The following PTPRM variants were observed in gnomAD, a reference collection of about 807,000 sequenced individuals.
PTPRM encodes the protein receptor-type tyrosine-protein phosphatase mu.
A neutral mutation model predicts 186.7 loss-of-function variants in PTPRM; 47 were observed. The ratio of observed to expected loss-of-function variants is 0.25; its 90% CI spans 0.20 to 0.32. PTPRM has a LOEUF of 0.32. Ranked by LOEUF, PTPRM falls within the 10% of genes least tolerant of loss-of-function variation. The probability of loss-of-function intolerance (pLI) is 1.00; values close to 1 mark genes in which losing one functional copy is unlikely to be tolerated. For synonymous variants in PTPRM, 668 were observed against 674.9 expected (o/e 0.99, Z 0.16); for missense variants, 1,494 against 1,865.0 (o/e 0.80, Z 3.66).
rs890410130 is a variant in PTPRM, at chr18:8,212,704, G to A, written c.2301-31354G>A. ...TGCCTGTAGTCCCAGCTACTCAGGA[G>A]CCTGAGGCAGAAGGATCACTTGAGC... On this transcript the variant is annotated intron_variant, in intron 14 of 32. Coordinates refer to ENST00000580170, the MANE Select transcript of PTPRM (RefSeq NM_001105244.2). 3.9e-5 allele frequency among the ~76,000 whole-genome samples: 6 copies of A among 152,146 alleles called. No individual in the cohort carries two copies. In the East Asian group the frequency reaches 1.2e-3, roughly 29 times the overall value.
intron 14 of PTPRM, among the ~76,000 whole-genome samples, chr18:8,181,486 C>T (rs1030467886): frequency 1.3e-5 from 2 of 152,134 alleles, no homozygotes; most frequent in East Asian, 1.9e-4. Context: ...TGGAAGTAGA[C>T]GAGCTATCCA....
At chr18:8,366,255 C>T (rs753796126) in intron 23 of PTPRM, among the ~76,000 whole-genome samples, 13 of 152,202 alleles carry the variant, frequency 8.5e-5, no homozygotes, top group Non-Finnish European at 1.5e-4. Context: ...TGCGTGAGAG[C>T]CAGCACTCCA....
At chr18:7,730,572 G>C (rs1449298074) in intron 1 of PTPRM, among the ~76,000 whole-genome samples, 1 of 152,166 alleles carries the variant, frequency 6.6e-6, no homozygotes, top group South Asian at 2.1e-4. Flanking sequence ...TAGCTGGTCT[G>C]TATCACTCTT....
intron 7 of PTPRM, among the ~76,000 whole-genome samples, chr18:7,974,528 G>A (rs2054802132): frequency 6.6e-6 from 1 of 152,142 alleles, no homozygotes; most frequent in African/African-American, 2.4e-5. Context: ...GCCCCTATAG[G>A]CTAACAATGA....
At position 7,961,302 on chromosome 18, in the gene PTPRM, G is replaced by A. The variant is rs2053667214; in HGVS notation, c.1132+5888G>A. ...TCCACTCCCCTTCCCCATAACCCTG[G>A]CAACCACCAGTCTCCTTTTTGTCTC... On this transcript the variant is annotated intron_variant, in intron 7 of 32. Transcript: ENST00000580170. Among the ~76,000 whole-genome samples the A allele has an allele frequency of 2.0e-5, 3 of 152,092 alleles. No individual in the cohort carries two copies. The South Asian group carries it at 6.2e-4, about 32-fold the overall frequency.
At chr18:8,361,297 T>C (rs2095595828) in intron 23 of PTPRM, among the ~76,000 whole-genome samples, 1 of 152,178 alleles carries the variant, frequency 6.6e-6, no homozygotes, top group South Asian at 2.1e-4. Flanking sequence ...CTAATACTGA[T>C]ACAGACCATA....
chr18:7,988,540 C>G (rs539406357), intron 7 of PTPRM, among the ~76,000 whole-genome samples: 3 of 152,220 alleles, frequency 2.0e-5, no homozygotes, highest in African/African-American at 7.2e-5. Context: ...TTACTAAAGC[C>G]CTGTACTTAA....
chr18:8,369,229 G>A (rs1273792073), intron 23 of PTPRM, among the ~76,000 whole-genome samples: 1 of 152,102 alleles, frequency 6.6e-6, no homozygotes, highest in East Asian at 1.9e-4. Context: ...TGCTGGTTGG[G>A]GCCATATTTA....
chr18:7,608,276 G>A (rs542161253), intron 1 of PTPRM, among the ~76,000 whole-genome samples: 1 of 152,204 alleles, frequency 6.6e-6, no homozygotes, highest in South Asian at 2.1e-4. Context: ...GTTTTATTTG[G>A]GGCCAGCATG....
At chr18:8,395,619 G>T (rs1426658281) in intron 32 of PTPRM, among the ~76,000 whole-genome samples, 1 of 152,136 alleles carries the variant, frequency 6.6e-6, no homozygotes, top group Non-Finnish European at 1.5e-5. Context: ...TTTCCAAGAA[G>T]CATGGCTGTT....
chr18:8,085,554 A>G, intron 9 of PTPRM, 117 bp from the exon 10 acceptor site: 1 of 863,320 alleles, frequency 1.2e-6, no homozygotes, highest in Non-Finnish European at 1.8e-6. Flanking sequence ...CAAGAGTCTG[A>G]GTAGGAGCTT....
At position 7,807,814 on chromosome 18, in the gene PTPRM, C is replaced by A. The variant is rs553287979; in HGVS notation, c.196+33543C>A. ...CATCTAAGTAATATTTGAATATATGCGATTTTTGACTTCATAATAATTGAC... is the reference window on the plus strand; with the variant it reads ...CATCTAAGTAATATTTGAATATATGAGATTTTTGACTTCATAATAATTGAC... On this transcript the variant is annotated intron_variant, in intron 2 of 32. Coordinates refer to ENST00000580170, the MANE Select transcript of PTPRM (RefSeq NM_001105244.2). 4.3e-4 allele frequency among the ~76,000 whole-genome samples: 66 copies of A among 152,258 alleles called. No homozygotes were observed. The South Asian group carries it at 4.8e-3, about 11-fold the overall frequency.
At chr18:7,818,291 G>A (rs1440995) in intron 2 of PTPRM, among the ~76,000 whole-genome samples, 75,190 of 151,986 alleles carry the variant, frequency 0.49, 20,822 homozygotes, top group East Asian at 0.76. Context: ...TAGGTATTAT[G>A]GCCTCTCCAT....
chr18:8,006,351 G>A (rs907524089), intron 7 of PTPRM, among the ~76,000 whole-genome samples: 1 of 152,168 alleles, frequency 6.6e-6, no homozygotes, highest in African/African-American at 2.4e-5. Flanking sequence ...GTTTCCATGA[G>A]TGAGAGCCAC....
intron 2 of PTPRM, among the ~76,000 whole-genome samples, chr18:7,852,672 G>A (rs533839385): frequency 2.0e-5 from 3 of 151,652 alleles, no homozygotes; most frequent in African/African-American, 7.3e-5. Flanking sequence ...GCGACAGAGC[G>A]AGACTCCCTC....
chr18:8,012,219 T>C (rs1047861648), intron 7 of PTPRM, among the ~76,000 whole-genome samples: 20 of 152,264 alleles, frequency 1.3e-4, no homozygotes, highest in African/African-American at 4.8e-4. Flanking sequence ...TAATTTCCTT[T>C]ATTGATTCCA....
intron 1 of PTPRM, among the ~76,000 whole-genome samples, chr18:7,589,559 C>T (rs995203147): frequency 1.3e-5 from 2 of 152,110 alleles, no homozygotes; most frequent in Non-Finnish European, 2.9e-5. Flanking sequence ...TGCAACTCCC[C>T]CCCACCACCC....
rs754579992 is a variant in PTPRM at position 8,088,737 on chromosome 18, C to CTTTTTTT, written c.1754-7_1754-6insTTTTTTT. 5.0e-6 allele frequency: 8 copies of CTTTTTTT among 1,588,786 alleles called. No homozygotes were observed. In the Admixed American group the frequency reaches 1.2e-4, roughly 23 times the overall value. Reference sequence around the variant, plus strand: ...AAATAATGAGTCTCCCATTCTACGCCTTTTTCCCCAGCACCCTCTATGCCA... The same window carrying CTTTTTTT: ...AAATAATGAGTCTCCCATTCTACGCCTTTTTTTTTTTTCCCCAGCACCCTCTATGCCA... On this transcript the variant is annotated splice_polypyrimidine_tract_variant and intron_variant, in intron 10 of 32. Transcript: ENST00000580170.
intron 19 of PTPRM, among the ~76,000 whole-genome samples, chr18:8,271,681 T>TA (rs1601576252): frequency 6.6e-6 from 1 of 152,116 alleles, no homozygotes; most frequent in Non-Finnish European, 1.5e-5. Context: ...ATAGGTCTGT[T>TA]ACAGATTTCT....
Sources: gnomAD v4.1 joint callset for allele counts (sites outside exome capture counted in the v4.1 genomes callset) on GRCh38, gnomAD v4.1.1 for gene constraint, MANE v1.5 for transcripts, NCBI Gene and HGNC (gene_info 2026-07-23, HGNC 2026-07-21) for gene names.